Variants in APTX observed in about 807,000 individuals in gnomAD.
APTX encodes the protein aprataxin, also known as forkhead-associated domain histidine triad-like protein.
Under a neutral mutation model 42.3 loss-of-function variants are expected in APTX, and 33 were observed. The ratio of observed to expected loss-of-function variants is 0.78; its 90% confidence interval spans 0.59 to 1.04. The LOEUF (loss-of-function observed/expected upper bound fraction) is 1.04. APTX is among the 50% of genes least tolerant of loss of function. The probability of loss-of-function intolerance (pLI) is 0.00; values close to 1 mark genes in which losing one functional copy is unlikely to be tolerated. For missense variants in APTX, 421 were observed against 415.1 expected (o/e 1.01, Z -0.12); for synonymous variants, 130 against 146.7 (o/e 0.89, Z 0.82).
chr9:33,009,641 C>T (rs1412550031), intron 1 of APTX, among the ~76,000 whole-genome samples: 6 of 151,804 alleles, frequency 4.0e-5, no homozygotes, highest in East Asian at 3.9e-4. Flanking sequence ...TAGCCGGGCA[C>T]GGTGGTATGT....
chr9:33,004,629 C>A (rs10971295), upstream of APTX, among the ~76,000 whole-genome samples: 9,813 of 140,776 alleles, frequency 0.07, 467 homozygotes, highest in Non-Finnish European at 0.11. Context: ...TCTTGCCAAC[C>A]CTTTTTTTTT....
intron 1 of APTX, among the ~76,000 whole-genome samples, chr9:33,020,749 G>A (rs1171638463): frequency 6.6e-6 from 1 of 152,196 alleles, no homozygotes; most frequent in African/African-American, 2.4e-5. Context: ...AAACTTTTTA[G>A]CATAATGCCC....
chr9:32,996,994 T>G (rs1219804226), intron 1 of APTX, among the ~76,000 whole-genome samples: 1 of 152,180 alleles, frequency 6.6e-6, no homozygotes, highest in African/African-American at 2.4e-5. Context: ...GAAGAGAAAA[T>G]TCAGGATGAG....
At chr9:32,973,819 A>C in intron 7 of APTX, 167 bp from the exon 8 acceptor site, 2 of 848,350 alleles carry the variant, frequency 2.4e-6, no homozygotes, top group South Asian at 2.9e-5. Flanking sequence ...AAATGAGCTT[A>C]ATCAGATTAT....
intron 1 of APTX, among the ~76,000 whole-genome samples, chr9:32,998,952 C>T (rs1835629391): frequency 6.6e-6 from 1 of 150,618 alleles, no homozygotes; most frequent in Non-Finnish European, 1.5e-5. Context: ...AACAGAAACA[C>T]CCAACATTTT....
chr9:33,008,273 CA>C (rs1254948891), intron 1 of APTX, among the ~76,000 whole-genome samples: 1 of 151,082 alleles, frequency 6.6e-6, no homozygotes, highest in Non-Finnish European at 1.5e-5. Flanking sequence ...GGGAAAATAA[CA>C]TTGATTTTGG....
At chr9:33,012,620 T>G (rs1481240717) in intron 1 of APTX, among the ~76,000 whole-genome samples, 3 of 152,150 alleles carry the variant, frequency 2.0e-5, no homozygotes, top group Non-Finnish European at 2.9e-5. Context: ...TCCCAGCCAG[T>G]AACAGCCAGT....
intron 1 of APTX, among the ~76,000 whole-genome samples, chr9:32,995,654 A>G (rs561972457): frequency 3.3e-5 from 5 of 152,216 alleles, no homozygotes; most frequent in South Asian, 4.1e-4. Flanking sequence ...TTGGGAGGCC[A>G]AGGCGGGCGG....
chr9:33,016,160 T>G (rs1419521667), intron 1 of APTX: 2 of 152,256 alleles, frequency 1.3e-5, no homozygotes, highest in Non-Finnish European at 2.9e-5. Flanking sequence ...GCAGTATTCT[T>G]CCCGAATTCT....
chr9:32,986,170 T>C (rs552929878), intron 4 of APTX, 140 bp from the exon 5 acceptor site: 7 of 844,510 alleles, frequency 8.3e-6, no homozygotes, highest in African/African-American at 8.3e-5. Context: ...TTTTTGAGAA[T>C]TAAACAAGAT....
intron 1 of APTX, among the ~76,000 whole-genome samples, chr9:33,022,710 A>T (rs1838485062): frequency 6.6e-6 from 1 of 152,280 alleles, no homozygotes; most frequent in South Asian, 2.1e-4. Flanking sequence ...GTAAGATGAC[A>T]AAGTGAAAAG....
intron 1 of APTX, among the ~76,000 whole-genome samples, chr9:33,000,702 G>A (rs1377757689): frequency 2.0e-5 from 3 of 149,924 alleles, no homozygotes; most frequent in Admixed American, 6.6e-5. Context: ...TAAGAAGAAC[G>A]AGCACAAATC....
intron 1 of APTX, chr9:33,020,014 G>C (rs955467566): frequency 2.5e-6 from 1 of 404,774 alleles, no homozygotes; most frequent in South Asian, 1.0e-4. Context: ...TGACACGTGC[G>C]GTGGGGGAGC....
intron 1 of APTX, among the ~76,000 whole-genome samples, chr9:33,020,914 G>C (rs1473627128): frequency 6.6e-6 from 1 of 152,154 alleles, no homozygotes. Context: ...CAGATCACCT[G>C]AGGTTGGGAG....
upstream of APTX, among the ~76,000 whole-genome samples, chr9:33,001,911 G>C (rs1836639584): frequency 6.6e-6 from 1 of 152,292 alleles, no homozygotes; most frequent in Non-Finnish European, 1.5e-5. Context: ...GTTTCTAGGT[G>C]GCTGTGCAGC....
At chr9:32,991,761 G>A (rs923497672) in intron 1 of APTX, among the ~76,000 whole-genome samples, 25 of 147,560 alleles carry the variant, frequency 1.7e-4, no homozygotes, top group African/African-American at 6.2e-4. Flanking sequence ...TGGGCGATAG[G>A]GCAAGGCTCC....
At chr9:33,010,439 G>A (rs957965626) in intron 1 of APTX, among the ~76,000 whole-genome samples, 15 of 152,110 alleles carry the variant, frequency 9.9e-5, no homozygotes, top group East Asian at 5.8e-4. Flanking sequence ...TCCTGCGTTC[G>A]CCAGGCGTGG....
chr9:33,007,290 T>C (rs545797300), intron 1 of APTX, among the ~76,000 whole-genome samples: 1 of 152,254 alleles, frequency 6.6e-6, no homozygotes, highest in East Asian at 1.9e-4. Context: ...TAGTAAACCA[T>C]TTAAGAACTG....
intron 1 of APTX, 55 bp downstream of exon 1, chr9:33,001,512 T>G (rs1217695495): frequency 6.2e-7 from 1 of 1,612,142 alleles, no homozygotes; most frequent in East Asian, 2.2e-5. Flanking sequence ...GGCCGAACGC[T>G]CACCCGCGGC....
Sources: allele counts gnomAD v4.1 joint callset (sites outside exome capture counted in the v4.1 genomes callset), GRCh38; gene constraint gnomAD v4.1.1; transcripts MANE v1.5; gene names NCBI Gene and HGNC (gene_info 2026-07-23, HGNC 2026-07-21).